RECK: variants seen among roughly 807,000 people sequenced by gnomAD.
RECK encodes the protein reversion-inducing cysteine-rich protein with Kazal motifs.
Under a neutral mutation model 115.1 loss-of-function variants are expected in RECK, and 69 were observed. The ratio of observed to expected loss-of-function variants is 0.60; its 90% CI spans 0.49 to 0.73. The LOEUF is 0.73. Ranked by LOEUF, RECK falls within the 30% of genes least tolerant of loss-of-function variation. The pLI, the probability that RECK is intolerant of heterozygous loss-of-function variation, is 0.00. For synonymous variants in RECK, 414 were observed against 419.7 expected, an observed-to-expected ratio of 0.99 and a Z score of 0.17; for missense variants, 1,047 against 1,203.7, an observed-to-expected ratio of 0.87 and a Z score of 1.93.
chr9:36,084,689 G>T (rs1280966063), intron 8 of RECK, among the ~76,000 whole-genome samples: 1 of 146,318 alleles, frequency 6.8e-6, no homozygotes, highest in Non-Finnish European at 1.5e-5. Context: ...ACCAGACATC[G>T]TCAGGAAGGA....
chr9:36,121,776 AG>A (rs1824470682), intron 20 of RECK, 88 bp downstream of exon 20: 4 of 1,400,802 alleles, frequency 2.9e-6, no homozygotes, highest in Non-Finnish European at 4.0e-6. Flanking sequence ...GGACCGAGGA[AG>A]GATCCGTGGG....
Position 36,099,224 on chromosome 9 carries a change from T to TCAACAACAA in RECK, c.1086-1068_1086-1060dup, listed in dbSNP as rs60403523. Among the ~76,000 whole-genome samples the TCAACAACAA allele has an allele frequency of 4.9e-3, 721 of 146,970 alleles. 2 individuals are homozygous for TCAACAACAA. The highest frequency in any genetic ancestry group is 0.011 in the South Asian group (49 of 4,492). ...CTGGGTGACAGAGTGAGAACCTGTC[T>TCAACAACAA]CAACAACAACAACAACAACAACAAC... is the stretch of plus-strand genomic sequence containing the variant. On this transcript the variant is annotated intron_variant, in intron 10 of 20. Transcript: ENST00000377966.
intron 1 of RECK, among the ~76,000 whole-genome samples, chr9:36,046,194 A>C (rs1426516623): frequency 6.6e-6 from 1 of 152,216 alleles, no homozygotes; most frequent in Non-Finnish European, 1.5e-5. Flanking sequence ...TAAACCCAGA[A>C]TATGTCTAGA....
At chr9:36,104,788 C>T (rs1049972072) in intron 12 of RECK, among the ~76,000 whole-genome samples, 2 of 152,128 alleles carry the variant, frequency 1.3e-5, no homozygotes, top group African/African-American at 4.8e-5. Context: ...GGATTACAGG[C>T]GTAAGCCACT....
intron 8 of RECK, 30 bp downstream of exon 8, chr9:36,083,592 T>G (rs967243219): frequency 8.2e-6 from 13 of 1,592,990 alleles, no homozygotes; most frequent in African/African-American, 1.3e-5. Context: ...TCTTCTCATT[T>G]CAATCTTTGG....
At chr9:36,053,908 A>G (rs996752913) in intron 2 of RECK, among the ~76,000 whole-genome samples, 1 of 152,204 alleles carries the variant, frequency 6.6e-6, no homozygotes, top group Non-Finnish European at 1.5e-5. Context: ...TATTACTCCT[A>G]TTACTGGTTA....
At chr9:36,089,907 T>C (rs1225024147) in intron 9 of RECK, among the ~76,000 whole-genome samples, 1 of 151,662 alleles carries the variant, frequency 6.6e-6, no homozygotes, top group Non-Finnish European at 1.5e-5. Flanking sequence ...ATGGATCGCC[T>C]GAGGTCAAGA....
chr9:36,112,539 A>G, intron 16 of RECK, 63 bp downstream of exon 16: 1 of 1,503,236 alleles, frequency 6.7e-7, no homozygotes, highest in Non-Finnish European at 9.2e-7. Context: ...CATCTACCAT[A>G]TACCAGACAG....
In RECK at chr9:36,102,040, G is replaced by C. The variant is rs146543678; in HGVS notation, c.1299-54G>C. 1.2e-4 allele frequency: 180 copies of C among 1,555,038 alleles called. No individual in the cohort carries two copies. The African/African-American group carries it at 1.9e-3, about 17-fold the overall frequency. On this transcript the variant is annotated intron_variant, in intron 11 of 20. Transcript: ENST00000377966. ...CTTCAGAAACAAGTGATGTTGACTGGACAACATGAGGAGGTTCCTCAAGCT... is the reference window on the plus strand; with the variant it reads ...CTTCAGAAACAAGTGATGTTGACTGCACAACATGAGGAGGTTCCTCAAGCT...
rs371744677 is a variant in RECK, at chr9:36,121,543, A to G, written c.2549A>G (p.Lys850Arg). The change falls in exon 20 of 21, where the codon AAA becomes AGA. Residue 850 changes from lysine (K) to arginine (R), a missense_variant. Physicochemically the swap from Lys to Arg is conservative, Grantham distance 26. Coordinates refer to ENST00000377966, the MANE Select transcript of RECK (RefSeq NM_021111.3). ...GTTTTCTCTTTCCAGGTAACAAATA[A>G]AAAGCCAATAACAGTTCTGGAAATA... The part of the protein sequence containing the change: ...KLDTIAKVTN[K>R]KPITVLEILQ... 1.4e-5 allele frequency: 23 copies of G among 1,613,032 alleles called. No individual in the cohort carries two copies. The highest frequency in any genetic ancestry group is 1.9e-5 in the Non-Finnish European group (23 of 1,179,512).
chr9:36,048,538 C>T (rs1821163233), intron 1 of RECK, among the ~76,000 whole-genome samples: 1 of 152,142 alleles, frequency 6.6e-6, no homozygotes, highest in Non-Finnish European at 1.5e-5. Context: ...AAGCCCCCAA[C>T]CCTATCTCAG....
At chr9:36,104,341 T>A (rs1246116521) in intron 12 of RECK, among the ~76,000 whole-genome samples, 3 of 65,212 alleles carry the variant, frequency 4.6e-5, no homozygotes, top group Admixed American at 1.6e-4. Flanking sequence ...TTTTTTTTTT[T>A]TTTTTTTTTT....
intron 13 of RECK, among the ~76,000 whole-genome samples, chr9:36,106,209 C>CA (rs76229325): frequency 0.078 from 4,242 of 54,348 alleles, 298 homozygotes; most frequent in African/African-American, 0.22. Flanking sequence ...GACTCCGTCT[C>CA]AAAAAAAAAA....
intron 4 of RECK, among the ~76,000 whole-genome samples, chr9:36,062,519 C>T (rs1244040831): frequency 2.0e-5 from 3 of 151,544 alleles, no homozygotes; most frequent in Non-Finnish European, 2.9e-5. Context: ...TTGCTGTTGC[C>T]CAGGCTGGAG....
chr9:36,082,188 C>CTCTCTCTCTCTCTCTCTCTCTCTCTCTCT (rs1401784584), intron 7 of RECK, among the ~76,000 whole-genome samples: 3 of 146,602 alleles, frequency 2.0e-5, no homozygotes, highest in African/African-American at 7.7e-5. Context: ...CTCTCTCTCT[C>CTCTCTCTCTCTCTCTCTCTCTCTCTCTCT]CTTTTTTCTT....
At chr9:36,068,358 A>C (rs2132597078) in intron 6 of RECK, among the ~76,000 whole-genome samples, 1 of 152,352 alleles carries the variant, frequency 6.6e-6, no homozygotes, top group African/African-American at 2.4e-5. Context: ...TCAGGGAGAT[A>C]ATCTAATCTT....
chr9:36,075,692 A>T (rs2132611858), intron 6 of RECK, among the ~76,000 whole-genome samples: 1 of 152,310 alleles, frequency 6.6e-6, no homozygotes, highest in Non-Finnish European at 1.5e-5. Context: ...TGAAACTTTA[A>T]ACTGGAAGAA....
At chr9:36,037,521 A>C (rs999063664) in intron 1 of RECK, among the ~76,000 whole-genome samples, 1 of 151,922 alleles carries the variant, frequency 6.6e-6, no homozygotes, top group Non-Finnish European at 1.5e-5. Flanking sequence ...CACTTGGTTC[A>C]TAACGACCTT....
chr9:36,090,185 A>G (rs1371035777), intron 9 of RECK, among the ~76,000 whole-genome samples: 1 of 152,044 alleles, frequency 6.6e-6, no homozygotes, highest in Non-Finnish European at 1.5e-5. Context: ...AAAGAAAGTT[A>G]AGGACTAGAA....
Sources: allele counts gnomAD v4.1 joint callset (sites outside exome capture counted in the v4.1 genomes callset), GRCh38; gene constraint gnomAD v4.1.1; transcripts MANE v1.5; gene names NCBI Gene and HGNC (gene_info 2026-07-23, HGNC 2026-07-21).